The following PRKCQ variants were observed in gnomAD, a reference collection of about 807,000 sequenced individuals.
PRKCQ encodes protein kinase C theta type.
Under a neutral mutation model 91.2 loss-of-function variants are expected in PRKCQ, and 41 were observed. That is an observed-to-expected ratio of 0.45 (90% CI 0.35 to 0.58). PRKCQ has a LOEUF of 0.58. Among genes scored for constraint, PRKCQ ranks in the 20% least tolerant of loss-of-function variants. The pLI, the probability that PRKCQ is intolerant of heterozygous loss-of-function variation, is 0.00. For synonymous variants in PRKCQ, 307 were observed against 316.9 expected (o/e 0.97, Z 0.33); for missense variants, 673 against 896.5 (o/e 0.75, Z 3.18).
chr10:6,558,048 G>T (rs557149908), intron 1 of PRKCQ, among the ~76,000 whole-genome samples: 1 of 151,734 alleles, frequency 6.6e-6, no homozygotes, highest in South Asian at 2.1e-4. Flanking sequence ...GCTCTTTCAC[G>T]CTGCCTTTTC....
Position 6,460,584 on chromosome 10 carries a change from C to A in PRKCQ, c.1508+1719G>T, listed in dbSNP as rs1475795834. Among the ~76,000 whole-genome samples the A allele has an allele frequency of 3.3e-5, 5 of 152,042 alleles. No homozygotes were observed. The East Asian group carries it at 5.8e-4, about 18-fold the overall frequency. ...TCAGCTCACTGCAACCTCCGCCTAA[C>A]AGGTTCAAGTGATTCTTGTGCCTCA... On this transcript the variant is annotated intron_variant, in intron 14 of 17. Coordinates refer to ENST00000263125, the MANE Select transcript of PRKCQ (RefSeq NM_006257.5).
chr10:6,459,808 A>G (rs1376892927), intron 14 of PRKCQ, among the ~76,000 whole-genome samples: 1 of 152,220 alleles, frequency 6.6e-6, no homozygotes, highest in Admixed American at 6.5e-5. Flanking sequence ...TCTTGCTTCC[A>G]AATGTCTAGC....
chr10:6,542,452 G>T (rs1839809029), intron 1 of PRKCQ, among the ~76,000 whole-genome samples: 1 of 152,248 alleles, frequency 6.6e-6, no homozygotes, highest in Non-Finnish European at 1.5e-5. Flanking sequence ...TTAGACAAGA[G>T]CTGGTGGGAG....
intron 4 of PRKCQ, among the ~76,000 whole-genome samples, chr10:6,504,852 A>G (rs896324576): frequency 3.3e-5 from 5 of 151,844 alleles, no homozygotes; most frequent in Admixed American, 1.3e-4. Context: ...TGGAGTGTCA[A>G]TTTGGATCTA....
the PRKCQ span, among the ~76,000 whole-genome samples, chr10:6,402,110 A>G: frequency 7.1e-4 from 108 of 152,082 alleles, 1 homozygote; most frequent in African/African-American, 2.6e-3. Flanking sequence ...AGAAAACCAA[A>G]CACCGCATGT....
At chr10:6,433,127 A>G (rs1388908606) in intron 16 of PRKCQ, among the ~76,000 whole-genome samples, 2 of 152,240 alleles carry the variant, frequency 1.3e-5, no homozygotes, top group Admixed American at 6.5e-5. Flanking sequence ...AGAGGCAGGC[A>G]CTGTGCTAGA....
chr10:6,428,097 T>C lies in PRKCQ; in HGVS notation c.*110A>G, dbSNP rs1460886622. On this transcript the variant is annotated 3_prime_UTR_variant, in exon 18 of 18. Transcript: ENST00000263125. ...GGGGCGAACGGGTCTCAGTCTTTATTGTTGAGTGTTTCTTTCTTTTTCCAA... is the reference window on the plus strand; with the variant it reads ...GGGGCGAACGGGTCTCAGTCTTTATCGTTGAGTGTTTCTTTCTTTTTCCAA... 7.1e-7 allele frequency: 1 copy of C among 1,404,080 alleles called. No homozygotes were observed. Among genetic ancestry groups the C allele is most frequent in the East Asian group, 2.3e-5 (1 of 43,598 alleles). 87.0% of individuals were successfully genotyped at this position (1,404,080 alleles called of 1,614,324 possible).
At chr10:6,564,674 C>T (rs1480585480) in intron 1 of PRKCQ, among the ~76,000 whole-genome samples, 1 of 152,120 alleles carries the variant, frequency 6.6e-6, no homozygotes, top group African/African-American at 2.4e-5. Flanking sequence ...ACCGCCAAGC[C>T]AAGGCTGACC....
intron 1 of PRKCQ, among the ~76,000 whole-genome samples, chr10:6,538,134 T>C (rs1839651678): frequency 6.6e-6 from 1 of 152,316 alleles, no homozygotes; most frequent in Middle Eastern, 3.4e-3. Flanking sequence ...CACCCTTCAT[T>C]GTGCCTCACT....
downstream of PRKCQ, among the ~76,000 whole-genome samples, chr10:6,424,460 G>C (rs771609602): frequency 6.6e-6 from 1 of 152,162 alleles, no homozygotes; most frequent in Non-Finnish European, 1.5e-5. Context: ...GATGACCATG[G>C]TTTCTGCTCC....
Position 6,464,316 on chromosome 10 carries a change from G to T in PRKCQ, c.1442C>A (p.Ala481Glu). ...QSCHKFDLSR[A>E]TFYAAEIILG... is the part of the protein sequence containing the mutation. ...CAAACCCTTTAAAGCCTCTTACGTC[G>T]CTCTGGAAAGGTCGAACTTGTGGCA... Residue 481 changes from alanine to glutamate, a missense_variant, in exon 13 of 18, where the codon GCG becomes GAG. Physicochemically the swap from Ala to Glu is moderately radical, Grantham distance 107 (BLOSUM62 -1). Coordinates refer to ENST00000263125, the MANE Select transcript of PRKCQ (RefSeq NM_006257.5). 6.2e-7 allele frequency: 1 copy of T among 1,613,110 alleles called. No individual in the cohort carries two copies. The highest frequency in any genetic ancestry group is 8.5e-7 in the Non-Finnish European group (1 of 1,179,448).
intron 11 of PRKCQ, among the ~76,000 whole-genome samples, chr10:6,481,126 C>T (rs1457718268): frequency 1.3e-5 from 2 of 152,122 alleles, no homozygotes; most frequent in Non-Finnish European, 2.9e-5. Context: ...GACCCAGGGT[C>T]CTGATGAAAA....
At chr10:6,428,394 G>C in intron 17 of PRKCQ, 32 bp from the exon 18 acceptor site, 3 of 1,598,198 alleles carry the variant, frequency 1.9e-6, no homozygotes, top group Non-Finnish European at 2.6e-6. Flanking sequence ...GAAAGAAAGA[G>C]AAGAAAAATC....
intron 15 of PRKCQ, among the ~76,000 whole-genome samples, chr10:6,454,777 G>T (rs142318925): frequency 7.2e-5 from 11 of 152,204 alleles, no homozygotes; most frequent in Non-Finnish European, 7.4e-5. Flanking sequence ...ACTCTACAGC[G>T]AAGACCACAG....
At chr10:6,505,398 T>A (rs1224111091) in intron 4 of PRKCQ, among the ~76,000 whole-genome samples, 1 of 149,606 alleles carries the variant, frequency 6.7e-6, no homozygotes, top group Non-Finnish European at 1.5e-5. Flanking sequence ...AAGGACACTT[T>A]TTCTCCTTTC....
chr10:6,485,954 C>T, intron 9 of PRKCQ, 81 bp downstream of exon 9: 1 of 1,270,914 alleles, frequency 7.9e-7, no homozygotes, highest in Non-Finnish European at 1.1e-6. Context: ...CATAGGGCTG[C>T]CACAGGTGAA....
chr10:6,526,293 CAACA>C (rs897559732), intron 1 of PRKCQ, among the ~76,000 whole-genome samples: 22 of 152,294 alleles, frequency 1.4e-4, no homozygotes, highest in African/African-American at 5.1e-4. Context: ...TTCATTCATT[CAACA>C]AACAGTTACT....
At chr10:6,446,314 T>G (rs1476487060) in intron 15 of PRKCQ, among the ~76,000 whole-genome samples, 2 of 151,470 alleles carry the variant, frequency 1.3e-5, no homozygotes, top group East Asian at 3.9e-4. Flanking sequence ...ATAATGTGCC[T>G]CTTGGTTTTA....
intron 15 of PRKCQ, among the ~76,000 whole-genome samples, chr10:6,447,205 GA>G (rs201226011): frequency 0.023 from 3,450 of 152,092 alleles, 103 homozygotes; most frequent in African/African-American, 0.065. Flanking sequence ...TTAAGAGATC[GA>G]GACCATCCTG....
Sources: gnomAD v4.1 joint callset for allele counts (sites outside exome capture counted in the v4.1 genomes callset) on GRCh38, gnomAD v4.1.1 for gene constraint, MANE v1.5 for transcripts, NCBI Gene and HGNC (gene_info 2026-07-23, HGNC 2026-07-21) for gene names.